The following DCHS2 variants were observed in gnomAD, a reference collection of about 807,000 sequenced individuals.
The protein encoded by DCHS2 is dachsous cadherin-related 2.
Under a neutral mutation model 182.4 loss-of-function variants are expected in DCHS2, and 142 were observed. The observed-to-expected ratio is 0.78, with a 90% confidence interval of 0.68 to 0.89. DCHS2 has a LOEUF of 0.89. DCHS2 is among the 40% of genes least tolerant of loss of function. The pLI, the probability that DCHS2 is intolerant of heterozygous loss-of-function variation, is 0.00. For missense variants in DCHS2, 4,319 were observed against 4,198.6 expected (o/e 1.03, Z -0.79); for synonymous variants, 1,740 against 1,663.3 (o/e 1.05, Z -1.12).
At position 154,413,788 on chromosome 4, in the gene DCHS2, C is replaced by A. The variant is rs1732721696; in HGVS notation, c.2053-36344G>T. On this transcript the variant is annotated intron_variant, in intron 1 of 19. Transcript: ENST00000357232. ...CTGTCCTTCACATAACTGTGCCCTC[C>A]ACTTTAGGGTTTACTTCTGTTACTA... is the stretch of plus-strand genomic sequence containing the variant. 3.9e-5 allele frequency among the ~76,000 whole-genome samples: 6 copies of A among 152,198 alleles called. No homozygotes were observed. The South Asian group carries it at 1.2e-3, about 31-fold the overall frequency.
At chr4:154,438,450 G>A (rs1018706508) in intron 1 of DCHS2, among the ~76,000 whole-genome samples, 3 of 152,136 alleles carry the variant, frequency 2.0e-5, no homozygotes, top group African/African-American at 4.8e-5. Flanking sequence ...TTAATATCTG[G>A]TTGTACAGGC....
rs1447572025 is a variant in DCHS2, at chr4:154,490,890, G to T, written c.466C>A (p.Arg156Ser). The change falls in exon 1 of 20, where the codon CGC becomes AGC. Residue 156 changes from arginine to serine, a missense_variant. Transcript: ENST00000357232. The part of the protein sequence containing the change: ...LLGAVVQVEI[R>S]VNDVNDHSPR... The stretch of plus-strand genomic sequence containing the variant: ...GAGTGGTCATTCACGTCGTTGACGC[G>T]AATCTCCACCTGCACCACAGCGCCC... 6.4e-7 allele frequency: 1 copy of T among 1,551,422 alleles called. No homozygotes were observed. Among genetic ancestry groups the T allele is most frequent in the Non-Finnish European group, 8.7e-7 (1 of 1,146,912 alleles).
chr4:154,335,971 AG>A (rs1486259835), intron 3 of DCHS2, among the ~76,000 whole-genome samples: 1 of 152,200 alleles, frequency 6.6e-6, no homozygotes, highest in East Asian at 1.9e-4. Context: ...GCAGGGTTGT[AG>A]GGTGATTACA....
At chr4:154,296,297 C>T (rs977279549) in intron 13 of DCHS2, among the ~76,000 whole-genome samples, 1 of 152,196 alleles carries the variant, frequency 6.6e-6, no homozygotes, top group South Asian at 2.1e-4. Context: ...AGAACAGTTA[C>T]GTTTTCTCTA....
intron 15 of DCHS2, 70 bp downstream of exon 15, chr4:154,259,475 C>T: frequency 2.6e-6 from 4 of 1,530,978 alleles, no homozygotes; most frequent in Non-Finnish European, 3.5e-6. Flanking sequence ...TAATAATTCT[C>T]TCTCTCTCTC....
intron 3 of DCHS2, among the ~76,000 whole-genome samples, chr4:154,356,862 A>G (rs1377301561): frequency 6.6e-6 from 1 of 152,148 alleles, no homozygotes; most frequent in Non-Finnish European, 1.5e-5. Context: ...CATGACTAAA[A>G]TTAAATATAA....
At chr4:154,240,403 C>A in intron 18 of DCHS2, 134 bp downstream of exon 18, 1 of 1,058,904 alleles carries the variant, frequency 9.4e-7, no homozygotes. Context: ...GTGTAAAACC[C>A]GCAGCGTTAA....
chr4:154,425,357 A>G (rs905782657), intron 1 of DCHS2, among the ~76,000 whole-genome samples: 4 of 152,200 alleles, frequency 2.6e-5, no homozygotes, highest in African/African-American at 9.6e-5. Context: ...AAAACTTCTA[A>G]GCTAAGTAAA....
rs1267710955 is a variant in DCHS2, at chr4:154,298,537, G to T, written c.5777C>A (p.Ala1926Asp). The change falls in exon 13 of 20, where the codon GCC (alanine) becomes GAC (aspartate). Residue 1926 changes from alanine to aspartate, a missense_variant. Ala to Asp is a moderately radical substitution (Grantham distance 126). Coordinates refer to ENST00000357232, the MANE Select transcript of DCHS2 (RefSeq NM_001358235.2). ...GGGAAAAGAAGGACTGTGGTCATTG[G>T]CATCCAAAACTCTAACTTGCAGGTG... ...VIHLQVRVLD[A>D]NDHSPSFPTL... 1.2e-6 allele frequency: 2 copies of T among 1,614,028 alleles called. No individual in the cohort carries two copies. The highest frequency in any genetic ancestry group is 1.3e-5 in the African/African-American group (1 of 74,928).
intron 1 of DCHS2, among the ~76,000 whole-genome samples, chr4:154,420,639 C>T (rs1230037301): frequency 2.0e-5 from 3 of 152,134 alleles, no homozygotes; most frequent in African/African-American, 7.2e-5. Context: ...CTTTCTTCTG[C>T]TTTTTTGCTC....
In DCHS2 at chr4:154,304,845, G is replaced by C. The variant is rs1735380629; in HGVS notation, c.5429C>G (p.Ser1810Cys). 6.2e-7 allele frequency: 1 copy of C among 1,613,184 alleles called. No individual in the cohort carries two copies. The highest frequency in any genetic ancestry group is 8.5e-7 in the Non-Finnish European group (1 of 1,179,628). ...LVRDGGFPSLSSTTTILCTVE... is the reference protein window; with the variant it reads ...LVRDGGFPSLCSTTTILCTVE... ...AGTGCAGAGGATTGTTGTGGTGCTG[G>C]ACAATGAAGGGAATCCCCCATCTCG... The change falls in exon 12 of 20, where the codon TCC (serine) becomes TGC (cysteine). Residue 1810 changes from serine to cysteine, a missense_variant. Ser to Cys is a moderately radical substitution (Grantham distance 112). Transcript: ENST00000357232.
chr4:154,377,418 T>C lies in DCHS2; in HGVS notation c.2079A>G (p.Gly693=). The change falls in exon 2 of 20, where the codon GGA becomes GGG. Residue 693 remains glycine (G), a synonymous_variant. Transcript: ENST00000357232. ...LQVTASDADS[G]LYGFIEYSLY... Reference sequence around the variant, plus strand: ...GAGAATATTCAATAAAGCCATAGAGTCCTGAATCTGCATCAGAGGCTGTCA... The same window carrying C: ...GAGAATATTCAATAAAGCCATAGAGCCCTGAATCTGCATCAGAGGCTGTCA... 6.2e-7 allele frequency: 1 copy of C among 1,612,404 alleles called. No homozygotes were observed. The highest frequency in any genetic ancestry group is 1.7e-4 in the Middle Eastern group (1 of 6,050).
intron 16 of DCHS2, among the ~76,000 whole-genome samples, chr4:154,248,017 C>A (rs1732165701): frequency 6.6e-6 from 1 of 151,952 alleles, no homozygotes; most frequent in Admixed American, 6.6e-5. Flanking sequence ...CAGTAGGAAC[C>A]AGGTCTTCAT....
At chr4:154,392,608 C>G (rs545201701) in intron 1 of DCHS2, among the ~76,000 whole-genome samples, 1 of 152,074 alleles carries the variant, frequency 6.6e-6, no homozygotes, top group African/African-American at 2.4e-5. Context: ...GTTTGGAAAC[C>G]TATTCTCAAT....
chr4:154,313,595 C>T (rs1160829176), intron 10 of DCHS2, among the ~76,000 whole-genome samples: 3 of 151,774 alleles, frequency 2.0e-5, no homozygotes, highest in African/African-American at 7.3e-5. Context: ...AATTCTCATG[C>T]ATAATCCTGT....
chr4:154,448,763 G>A (rs966215220), intron 1 of DCHS2, among the ~76,000 whole-genome samples: 2 of 152,144 alleles, frequency 1.3e-5, no homozygotes, highest in Non-Finnish European at 1.5e-5. Context: ...TCCTCTGGCT[G>A]AGCCAATCTT....
intron 1 of DCHS2, among the ~76,000 whole-genome samples, chr4:154,380,797 A>G (rs772894353): frequency 4.6e-5 from 7 of 152,152 alleles, no homozygotes; most frequent in Non-Finnish European, 1.0e-4. Flanking sequence ...AGTATTCTCA[A>G]CAACATATCC....
intron 1 of DCHS2, among the ~76,000 whole-genome samples, chr4:154,434,078 C>A (rs1363643644): frequency 1.3e-5 from 2 of 152,146 alleles, no homozygotes; most frequent in African/African-American, 4.8e-5. Flanking sequence ...TAAAACTGAG[C>A]AAAATAAATC....
intron 3 of DCHS2, among the ~76,000 whole-genome samples, chr4:154,365,321 G>C (rs2110768124): frequency 6.6e-6 from 1 of 152,278 alleles, no homozygotes; most frequent in Admixed American, 6.5e-5. Context: ...ATGAGGCTCA[G>C]TCACCCTCGA....
Sources: allele counts gnomAD v4.1 joint callset (sites outside exome capture counted in the v4.1 genomes callset), GRCh38; gene constraint gnomAD v4.1.1; transcripts MANE v1.5; gene names NCBI Gene and HGNC (gene_info 2026-07-23, HGNC 2026-07-21).